Variants in RHBDL3 observed in about 807,000 individuals in gnomAD.
The protein encoded by RHBDL3 is rhomboid like 3, also known as rhomboid-related protein 3.
RHBDL3 carries 28 observed loss-of-function variants against 48.2 expected under a neutral mutation model. The observed-to-expected ratio is 0.58, with a 90% CI of 0.43 to 0.80. The LOEUF is 0.80. Ranked by LOEUF, RHBDL3 falls within the 30% of genes least tolerant of loss-of-function variation. RHBDL3 has a pLI of 0.00. For synonymous variants in RHBDL3, 208 were observed against 232.3 expected, an observed-to-expected ratio of 0.90 and a Z score of 0.95; for missense variants, 464 against 542.7, an observed-to-expected ratio of 0.85 and a Z score of 1.44.
In RHBDL3 at chr17:32,324,205, A is replaced by C. The variant is rs2041206825; in HGVS notation, c.*2976A>C. 1 of 152,658 alleles carries C rather than the reference A, an allele frequency of 6.6e-6. No individual in the cohort carries two copies. Among genetic ancestry groups the C allele is most frequent in the Non-Finnish European group, 1.5e-5 (1 of 68,042 alleles). 9.5% of individuals were successfully genotyped at this position (152,658 alleles called of 1,614,324 possible). On this transcript the variant is annotated 3_prime_UTR_variant, in exon 9 of 9. Transcript: ENST00000269051. ...AGGGAAAACAAACCTTCAAAGGAGA[A>C]ATTTCGCTTTAATGACACCATTCAT... is the stretch of plus-strand genomic sequence containing the variant.
chr17:32,269,108 G>A (rs2039707095), intron 2 of RHBDL3, among the ~76,000 whole-genome samples: 1 of 152,206 alleles, frequency 6.6e-6, no homozygotes, highest in South Asian at 2.1e-4. Context: ...AACACTTTGG[G>A]AGGCTAAGGC....
rs1339339677 is a variant in RHBDL3 at position 32,298,082 on chromosome 17, T to C, written c.669-10T>C. 2 of 1,584,032 alleles carry C rather than the reference T, an allele frequency of 1.3e-6. No homozygotes were observed. The highest frequency in any genetic ancestry group is 1.3e-5 in the African/African-American group (1 of 74,518). On this transcript the variant is annotated splice_polypyrimidine_tract_variant and intron_variant, in intron 5 of 8. Transcript: ENST00000269051. ...TAGATGAATGAGTGAGTGTGGTCTC[T>C]CTGTCACAGGATAGAACACCTGGGA...
rs186918419 is a variant in RHBDL3, at chr17:32,303,692, A to C, written c.782-1649A>C. Among the ~76,000 whole-genome samples, 1,090 of 151,838 alleles carry C rather than the reference A, an allele frequency of 7.2e-3. 6 individuals carry two copies. Among genetic ancestry groups the C allele is most frequent in the African/African-American group, 0.024 (1,001 of 41,412 alleles). On this transcript the variant is annotated intron_variant, in intron 6 of 8. Coordinates refer to ENST00000269051, the MANE Select transcript of RHBDL3 (RefSeq NM_138328.3). The stretch of plus-strand genomic sequence containing the variant: ...AGAGATTACATCCCCCTTGAGACCA[A>C]GAATTGGTTGTGGGGACTCTCTTTC...
chr17:32,284,036 T>A (rs2040133814), intron 2 of RHBDL3: 3 of 152,280 alleles, frequency 2.0e-5, no homozygotes, highest in Admixed American at 2.0e-4. Context: ...AAGAGCACGG[T>A]GTAAAACACA....
intron 2 of RHBDL3, among the ~76,000 whole-genome samples, chr17:32,269,783 C>T (rs940451082): frequency 6.6e-6 from 1 of 152,080 alleles, no homozygotes; most frequent in Non-Finnish European, 1.5e-5. Context: ...CTATCTTTTT[C>T]ATTTGATTAA....
At chr17:32,290,358 G>A (rs568810674) in intron 4 of RHBDL3, among the ~76,000 whole-genome samples, 2 of 152,324 alleles carry the variant, frequency 1.3e-5, no homozygotes, top group African/African-American at 2.4e-5. Context: ...CTGAGGGCCA[G>A]AGAATTCAGT....
Position 32,289,003 on chromosome 17 carries a change from T to C in RHBDL3, c.506T>C (p.Val169Ala), listed in dbSNP as rs1430162704. The C allele has an allele frequency of 6.2e-7, 1 of 1,614,022 alleles. No individual in the cohort carries two copies. The highest frequency in any genetic ancestry group is 1.7e-5 in the Admixed American group (1 of 60,014). ...CCCCCACCCTGGTTCATGATCACAGTCACGCTGCTGGAGGCAAGGACAAGG... is the reference window on the plus strand; with the variant it reads ...CCCCCACCCTGGTTCATGATCACAGCCACGCTGCTGGAGGCAAGGACAAGG... Reference protein sequence around the residue: ...CCPPPWFMITVTLLEVAFFLY... With the variant: ...CCPPPWFMITATLLEVAFFLY... The change falls in exon 4 of 9, where the codon GTC (valine) becomes GCC (alanine). Residue 169 changes from valine to alanine, a missense_variant. Coordinates refer to ENST00000269051, the MANE Select transcript of RHBDL3 (RefSeq NM_138328.3).
intron 4 of RHBDL3, among the ~76,000 whole-genome samples, chr17:32,289,842 G>A (rs997359510): frequency 6.6e-6 from 1 of 152,126 alleles, no homozygotes; most frequent in African/African-American, 2.4e-5. Flanking sequence ...CCTAATTACC[G>A]CCTCTGCATA....
rs372657714 is a variant in RHBDL3, at chr17:32,284,796, C to G, written c.273C>G (p.Gly91=). The G allele has an allele frequency of 6.2e-6, 10 of 1,613,960 alleles. No homozygotes were observed. The African/African-American group carries it at 1.2e-4, about 19-fold the overall frequency. The part of the protein sequence containing the change: ...LADSHADGQI[G]YQDFVSLMSN... ...ACAGCCACGCGGATGGGCAGATCGG[C>G]TACCAGGATTTTGTCAGCCTAGTGA... The change falls in exon 3 of 9, where the codon GGC becomes GGG. Residue 91 remains glycine (G), a synonymous_variant. Transcript: ENST00000269051.
chr17:32,287,589 C>G (rs1192160850), intron 3 of RHBDL3, among the ~76,000 whole-genome samples: 1 of 152,128 alleles, frequency 6.6e-6, no homozygotes, highest in African/African-American at 2.4e-5. Context: ...CACCACCTGG[C>G]CTGGTCTGAA....
intron 7 of RHBDL3, among the ~76,000 whole-genome samples, 183 bp from the exon 8 acceptor site, chr17:32,316,049 C>T (rs976314934): frequency 2.0e-5 from 3 of 152,052 alleles, no homozygotes; most frequent in Non-Finnish European, 4.4e-5. Flanking sequence ...ACTCTTATGA[C>T]GGGAGTAAAC....
At chr17:32,288,429 G>A (rs138242251) in intron 3 of RHBDL3, 21 of 244,170 alleles carry the variant, frequency 8.6e-5, no homozygotes, top group African/African-American at 4.2e-4. Flanking sequence ...TGATGAGTGA[G>A]TAGATGAAGG....
At chr17:32,298,741 C>T (rs1470479370) in intron 6 of RHBDL3, among the ~76,000 whole-genome samples, 1 of 152,200 alleles carries the variant, frequency 6.6e-6, no homozygotes, top group Non-Finnish European at 1.5e-5. Flanking sequence ...CCCAGACCAA[C>T]CGCAGTCCCC....
At chr17:32,287,353 A>G (rs1394217108) in intron 3 of RHBDL3, among the ~76,000 whole-genome samples, 2 of 152,182 alleles carry the variant, frequency 1.3e-5, no homozygotes, top group East Asian at 3.9e-4. Flanking sequence ...TGGGCTCACA[A>G]TGTGCACCAG....
chr17:32,321,190 C>T lies in RHBDL3; in HGVS notation c.1176C>T (p.Ala392=), dbSNP rs2041122991. The change falls in exon 9 of 9, where the codon GCC becomes GCT. Residue 392 remains alanine (A), a synonymous_variant. Coordinates refer to ENST00000269051, the MANE Select transcript of RHBDL3 (RefSeq NM_138328.3). ...TCGCTGTCTTCTGGAACATCTTTGC[C>T]TACACCCTGCTGGACTTAAAGCTGC... ...VLFAVFWNIF[A]YTLLDLKLPP... 1 of 1,614,202 alleles carries T rather than the reference C, an allele frequency of 6.2e-7. No individual in the cohort carries two copies. Among genetic ancestry groups the T allele is most frequent in the Admixed American group, 1.7e-5 (1 of 60,028 alleles).
chr17:32,288,717 T>C (rs1176597202), intron 3 of RHBDL3, 75 bp from the exon 4 acceptor site: 3 of 1,097,034 alleles, frequency 2.7e-6, no homozygotes, highest in Non-Finnish European at 2.7e-6. Context: ...GCAAGGAACA[T>C]GCTGGCTGGG....
chr17:32,313,444 A>C (rs554961023), intron 7 of RHBDL3, among the ~76,000 whole-genome samples: 30 of 152,324 alleles, frequency 2.0e-4, no homozygotes, highest in African/African-American at 7.0e-4. Context: ...TTACATTTTA[A>C]ATGTACAGTT....
intron 8 of RHBDL3, among the ~76,000 whole-genome samples, chr17:32,317,949 C>T (rs1314734560): frequency 2.0e-5 from 3 of 151,848 alleles, no homozygotes; most frequent in African/African-American, 7.3e-5. Flanking sequence ...TGGCTGACGC[C>T]TGTAATCCCA....
chr17:32,272,409 G>A (rs1448944208), intron 2 of RHBDL3, among the ~76,000 whole-genome samples: 2 of 152,206 alleles, frequency 1.3e-5, no homozygotes, highest in African/African-American at 2.4e-5. Flanking sequence ...GTTCAGATAA[G>A]ACCCCTGAAG....
Sources: allele counts gnomAD v4.1 joint callset (sites outside exome capture counted in the v4.1 genomes callset), GRCh38; gene constraint gnomAD v4.1.1; transcripts MANE v1.5; gene names NCBI Gene and HGNC (gene_info 2026-07-23, HGNC 2026-07-21).